The following WWOX variants were observed in gnomAD, a reference collection of about 807,000 sequenced individuals.
WWOX encodes the protein WW domain-containing oxidoreductase.
Under a neutral mutation model 46.2 loss-of-function variants are expected in WWOX, and 69 were observed. The observed-to-expected ratio is 1.49, with a 90% confidence interval of 1.23 to 1.82. WWOX has a LOEUF of 1.82. Among genes scored for constraint, WWOX ranks in the 40% most tolerant of loss-of-function variants. The probability of loss-of-function intolerance (pLI) is 0.00; values close to 1 mark genes in which losing one functional copy is unlikely to be tolerated. For missense variants in WWOX, 919 were observed against 542.6 expected (o/e 1.69, Z -6.89); for synonymous variants, 359 against 202.6 (o/e 1.77, Z -6.56).
chr16:78,552,860 C>G (rs1006410163), intron 8 of WWOX: 1 of 152,160 alleles, frequency 6.6e-6, no homozygotes, highest in African/African-American at 2.4e-5. Context: ...GAGGAAATGA[C>G]TGCTATTGCA....
intron 8 of WWOX, among the ~76,000 whole-genome samples, chr16:79,052,627 T>C (rs76030352): frequency 0.053 from 8,007 of 152,184 alleles, 748 homozygotes; most frequent in African/African-American, 0.18. Flanking sequence ...AAATACAGAA[T>C]GTGAGGTCCC....
At chr16:78,723,617 C>CTT (rs1199685457) in intron 8 of WWOX, among the ~76,000 whole-genome samples, 5 of 69,852 alleles carry the variant, frequency 7.2e-5, no homozygotes, top group Admixed American at 1.6e-4. Flanking sequence ...CTTTTCTTTT[C>CTT]TTTTCTTTTC....
chr16:78,114,856 G>A (rs2032691665), intron 3 of WWOX, 120 bp from the exon 4 acceptor site: 1 of 1,302,888 alleles, frequency 7.7e-7, no homozygotes, highest in Non-Finnish European at 1.1e-6. Context: ...GTTCTTTCAG[G>A]TTTAAGGAAT....
chr16:78,769,244 C>A (rs1281447895), intron 8 of WWOX, among the ~76,000 whole-genome samples: 2 of 152,172 alleles, frequency 1.3e-5, no homozygotes, highest in South Asian at 4.1e-4. Context: ...TGTTACAGCC[C>A]GTGTAATGCC....
At chr16:78,276,377 A>G (rs4644871) in intron 5 of WWOX, among the ~76,000 whole-genome samples, 11,744 of 152,254 alleles carry the variant, frequency 0.077, 514 homozygotes, top group Middle Eastern at 0.19. Flanking sequence ...AGTGGTTTTG[A>G]CAATGATAAT....
intron 8 of WWOX, among the ~76,000 whole-genome samples, chr16:78,913,172 A>AT (rs2045155955): frequency 6.6e-6 from 1 of 152,044 alleles, no homozygotes; most frequent in Non-Finnish European, 1.5e-5. Flanking sequence ...CGCTGAGGTA[A>AT]TATGAGGAGA....
intron 8 of WWOX, among the ~76,000 whole-genome samples, chr16:78,971,472 A>AG (rs1442397013): frequency 1.8e-4 from 26 of 140,678 alleles, no homozygotes; most frequent in Middle Eastern, 3.5e-3. Context: ...AAAAAAAAAA[A>AG]AAGAGAGAGA....
intron 8 of WWOX, among the ~76,000 whole-genome samples, chr16:79,125,918 C>T (rs1050730942): frequency 3.3e-5 from 5 of 152,274 alleles, no homozygotes; most frequent in African/African-American, 9.6e-5. Context: ...CTGTCTTCTC[C>T]AGGAGACTGT....
intron 8 of WWOX, among the ~76,000 whole-genome samples, chr16:78,831,078 G>A (rs1304834399): frequency 1.3e-5 from 2 of 152,150 alleles, no homozygotes; most frequent in African/African-American, 2.4e-5. Flanking sequence ...GAGAAGAAGG[G>A]ACTGCGTTCC....
chr16:78,793,044 TC>T (rs2050646029), intron 8 of WWOX, among the ~76,000 whole-genome samples: 1 of 152,194 alleles, frequency 6.6e-6, no homozygotes. Flanking sequence ...CCCCTTTCTT[TC>T]TTTCATCTTA....
At chr16:78,692,318 G>C (rs924055118) in intron 8 of WWOX, among the ~76,000 whole-genome samples, 1 of 152,188 alleles carries the variant, frequency 6.6e-6, no homozygotes, top group Non-Finnish European at 1.5e-5. Flanking sequence ...CATTTGAAAG[G>C]TTTTCTGAAA....
intron 5 of WWOX, among the ~76,000 whole-genome samples, chr16:78,225,322 G>A (rs1208211836): frequency 3.3e-5 from 5 of 152,266 alleles, no homozygotes; most frequent in South Asian, 2.1e-4. Flanking sequence ...TGATGGGATC[G>A]GCATTGTGTA....
At chr16:78,549,451 G>A (rs1246915858) in intron 8 of WWOX, among the ~76,000 whole-genome samples, 2 of 151,990 alleles carry the variant, frequency 1.3e-5, no homozygotes, top group African/African-American at 4.8e-5. Context: ...TCTCTTCAGG[G>A]TTTCCCATTC....
At position 79,212,439 on chromosome 16, in the gene WWOX, T is replaced by C. The variant is rs2051798432; in HGVS notation, c.*643T>C. On this transcript the variant is annotated 3_prime_UTR_variant, in exon 9 of 9. Coordinates refer to ENST00000566780, the MANE Select transcript of WWOX (RefSeq NM_016373.4). ...TGCTAATGCTATGCAAAAAATTCTTTAGAGATTATAACAAATTTTTCAAAT... is the reference window on the plus strand; with the variant it reads ...TGCTAATGCTATGCAAAAAATTCTTCAGAGATTATAACAAATTTTTCAAAT... 1 of 282,542 alleles carries C rather than the reference T, an allele frequency of 3.5e-6. No individual in the cohort carries two copies. Among genetic ancestry groups the C allele is most frequent in the East Asian group, 6.3e-5 (1 of 15,932 alleles). The allele number at this position is 282,542 out of a possible 1,614,324, so 17.5% of individuals were successfully genotyped here.
In WWOX at chr16:78,337,988, G is replaced by A. The variant is rs112176152; in HGVS notation, c.517-48872G>A. Among the ~76,000 whole-genome samples, 116 of 119,712 alleles carry A rather than the reference G, an allele frequency of 9.7e-4. 26 individuals carry two copies. The highest frequency in any genetic ancestry group is 3.2e-3 in the African/African-American group (112 of 35,300). 78.5% of individuals were successfully genotyped at this position (119,712 alleles called of 152,430 possible). On this transcript the variant is annotated intron_variant, in intron 5 of 8. Transcript: ENST00000566780. ...CACAAGATGCTTTATCAGGTCACTT[G>A]GCAACCAAGCTGATGAGGATAGCAG...
At chr16:78,476,452 G>A (rs893230640) in intron 8 of WWOX, among the ~76,000 whole-genome samples, 5 of 152,104 alleles carry the variant, frequency 3.3e-5, no homozygotes, top group African/African-American at 1.2e-4. Flanking sequence ...ACCGGGGCCT[G>A]TTGTGGGGTG....
intron 8 of WWOX, among the ~76,000 whole-genome samples, chr16:78,564,819 G>A (rs1056959764): frequency 1.3e-5 from 2 of 151,800 alleles, no homozygotes; most frequent in East Asian, 1.9e-4. Context: ...ATCTATTTAC[G>A]GATCATCAGT....
At chr16:79,021,536 C>T (rs1291112519) in intron 8 of WWOX, among the ~76,000 whole-genome samples, 1 of 152,150 alleles carries the variant, frequency 6.6e-6, no homozygotes, top group African/African-American at 2.4e-5. Flanking sequence ...TTAAAGAACA[C>T]AGCTCATGGT....
intron 5 of WWOX, among the ~76,000 whole-genome samples, chr16:78,284,390 C>T (rs1197711256): frequency 6.6e-6 from 1 of 152,220 alleles, no homozygotes; most frequent in African/African-American, 2.4e-5. Context: ...TCTTGCCCAC[C>T]TAGGCATGCC....
Sources: gnomAD v4.1 joint callset for allele counts (sites outside exome capture counted in the v4.1 genomes callset) on GRCh38, gnomAD v4.1.1 for gene constraint, MANE v1.5 for transcripts, NCBI Gene and HGNC (gene_info 2026-07-23, HGNC 2026-07-21) for gene names.